The following XPR1 variants were observed in gnomAD, a reference collection of about 807,000 sequenced individuals.
XPR1 encodes the protein xenotropic and polytropic retrovirus receptor 1.
In XPR1, 28 loss-of-function variants were observed where a neutral mutation model predicts 87.5. That is an observed-to-expected ratio of 0.32 (90% CI 0.24 to 0.44). XPR1 has a LOEUF of 0.44. Ranked by LOEUF, XPR1 falls within the 20% of genes least tolerant of loss-of-function variation. The pLI, the probability that XPR1 is intolerant of heterozygous loss-of-function variation, is 1.00. For synonymous variants in XPR1, 300 were observed against 306.1 expected (o/e 0.98, Z 0.21); for missense variants, 559 against 862.3 (o/e 0.65, Z 4.41).
chr1:180,767,816 A>G (rs1316293960), intron 2 of XPR1, among the ~76,000 whole-genome samples: 4 of 152,154 alleles, frequency 2.6e-5, no homozygotes, highest in Admixed American at 1.3e-4. Context: ...ATGTTTTTAT[A>G]TAATGAAGGT....
chr1:180,744,044 G>A (rs1201009940), intron 2 of XPR1, among the ~76,000 whole-genome samples: 1 of 152,124 alleles, frequency 6.6e-6, no homozygotes, highest in Non-Finnish European at 1.5e-5. Flanking sequence ...TAACTATTAT[G>A]TCTTAAGATT....
At chr1:180,855,177 G>A (rs7513630) in intron 11 of XPR1, among the ~76,000 whole-genome samples, 1 of 151,926 alleles carries the variant, frequency 6.6e-6, no homozygotes, top group Non-Finnish European at 1.5e-5. Context: ...TTTTCACAAT[G>A]CTAGATAGAA....
At chr1:180,812,361 A>G (rs922726575) in intron 7 of XPR1, among the ~76,000 whole-genome samples, 6 of 152,110 alleles carry the variant, frequency 3.9e-5, no homozygotes, top group Admixed American at 3.3e-4. Flanking sequence ...ACTCCCAAAT[A>G]TATGTTCTCT....
chr1:180,697,973 G>A (rs554097852), intron 2 of XPR1, among the ~76,000 whole-genome samples: 16 of 152,204 alleles, frequency 1.1e-4, no homozygotes, highest in African/African-American at 3.9e-4. Flanking sequence ...TCTAGTTTAA[G>A]TGCAGTTAAG....
intron 2 of XPR1, among the ~76,000 whole-genome samples, chr1:180,707,376 C>T (rs1372100513): frequency 1.3e-5 from 2 of 152,288 alleles, no homozygotes; most frequent in East Asian, 1.9e-4. Context: ...GTGTTGCTCC[C>T]CTCTATGTAT....
chr1:180,803,486 C>T lies in XPR1; in HGVS notation c.322C>T (p.Arg108Ter). 2.5e-6 allele frequency: 4 copies of T among 1,613,940 alleles called. No individual in the cohort carries two copies. The highest frequency in any genetic ancestry group is 3.4e-6 in the Non-Finnish European group (4 of 1,179,966). Residue 108 changes from arginine (R) to a stop codon, truncating the protein, a stop_gained, in exon 4 of 15, where the codon CGA (arginine) becomes TGA (stop). Transcript: ENST00000367590. LOFTEE classifies it high-confidence loss of function. Reference sequence around the variant, plus strand: ...AGAAAGCACTGGTGTTACTACGCTGCGACAACGCAGAAAGCCAGTCTTCCA... The same window carrying T: ...AGAAAGCACTGGTGTTACTACGCTGTGACAACGCAGAAAGCCAGTCTTCCA... ...QKESTGVTTL[R>*]QRRKPVFHLS... is the part of the protein sequence containing the mutation.
intron 2 of XPR1, among the ~76,000 whole-genome samples, chr1:180,764,056 T>G (rs1354742280): frequency 6.6e-6 from 1 of 152,148 alleles, no homozygotes; most frequent in African/African-American, 2.4e-5. Context: ...AGTACTTATG[T>G]GTGAATATGT....
intron 1 of XPR1, among the ~76,000 whole-genome samples, chr1:180,639,790 A>G (rs757901108): frequency 1.2e-4 from 18 of 152,308 alleles, no homozygotes; most frequent in Non-Finnish European, 1.8e-4. Context: ...CTGTATTAGA[A>G]GTTTGAAGAT....
At chr1:180,661,479 G>A (rs1464647987) in intron 1 of XPR1, among the ~76,000 whole-genome samples, 4 of 4,860 alleles carry the variant, frequency 8.2e-4, no homozygotes, top group Non-Finnish European at 1.5e-3. Flanking sequence ...AATTTTTCGT[G>A]TGTGTGTGTG....
intron 1 of XPR1, among the ~76,000 whole-genome samples, chr1:180,660,847 A>G (rs920160967): frequency 6.6e-6 from 1 of 152,210 alleles, no homozygotes; most frequent in Non-Finnish European, 1.5e-5. Flanking sequence ...TGTTCTGTAA[A>G]TATCTATTAG....
intron 14 of XPR1, among the ~76,000 whole-genome samples, chr1:180,881,028 A>T (rs1391743916): frequency 6.6e-6 from 1 of 152,234 alleles, no homozygotes; most frequent in Non-Finnish European, 1.5e-5. Context: ...AGTAAAGAAC[A>T]TAAAGGTAGA....
At chr1:180,862,011 T>C (rs567720909) in intron 11 of XPR1, among the ~76,000 whole-genome samples, 1 of 152,082 alleles carries the variant, frequency 6.6e-6, no homozygotes, top group South Asian at 2.1e-4. Flanking sequence ...GAATTTTGAG[T>C]ATGTGTTACC....
chr1:180,761,873 A>G (rs181537425), intron 2 of XPR1, among the ~76,000 whole-genome samples: 59 of 152,304 alleles, frequency 3.9e-4, no homozygotes, highest in Non-Finnish European at 7.5e-4. Context: ...AACCAACCCA[A>G]ATGTCCAACA....
chr1:180,688,437 C>T (rs1396869742), intron 2 of XPR1, among the ~76,000 whole-genome samples: 1 of 151,936 alleles, frequency 6.6e-6, no homozygotes, highest in South Asian at 2.1e-4. Flanking sequence ...ATTTTGTTAT[C>T]CTTTTCTGCA....
chr1:180,652,299 A>AT (rs1366019975), intron 1 of XPR1, among the ~76,000 whole-genome samples: 2 of 152,184 alleles, frequency 1.3e-5, no homozygotes, highest in African/African-American at 4.8e-5. Flanking sequence ...ATCTCAAAAA[A>AT]AAAAGAAGGT....
intron 11 of XPR1, among the ~76,000 whole-genome samples, chr1:180,840,578 A>G (rs146117703): frequency 0.35 from 45,787 of 129,818 alleles, 8,026 homozygotes; most frequent in Non-Finnish European, 0.4. Flanking sequence ...ATATATATAT[A>G]TATATATATA....
chr1:180,711,563 A>G (rs535825429), intron 2 of XPR1, among the ~76,000 whole-genome samples: 1 of 151,656 alleles, frequency 6.6e-6, no homozygotes, highest in South Asian at 2.1e-4. Context: ...AGATGGGGGC[A>G]GTACAGTCCA....
At position 180,689,342 on chromosome 1, in the gene XPR1, A is replaced by G. The variant is rs563101194; in HGVS notation, c.121+6931A>G. 2.0e-4 allele frequency among the ~76,000 whole-genome samples: 31 copies of G among 152,278 alleles called. No homozygotes were observed. In the South Asian group the frequency reaches 6.0e-3, roughly 29 times the overall value. ...AATGATATATTTGAATATAATTTTA[A>G]TTGGACATTTCCTTGTGTCTCTATT... On this transcript the variant is annotated intron_variant, in intron 2 of 14. Transcript: ENST00000367590.
intron 2 of XPR1, among the ~76,000 whole-genome samples, chr1:180,779,744 T>C (rs1648864406): frequency 6.6e-6 from 1 of 151,680 alleles, no homozygotes; most frequent in African/African-American, 2.4e-5. Context: ...AAGGAAGATA[T>C]AATTCATAGG....
Sources: allele counts gnomAD v4.1 joint callset (sites outside exome capture counted in the v4.1 genomes callset), GRCh38; gene constraint gnomAD v4.1.1; transcripts MANE v1.5; gene names NCBI Gene and HGNC (gene_info 2026-07-23, HGNC 2026-07-21).